The following PGGT1B variants were observed in gnomAD, a reference collection of about 807,000 sequenced individuals.
PGGT1B encodes the protein geranylgeranyl transferase type-1 subunit beta.
PGGT1B carries 30 observed loss-of-function variants against 46.1 expected under a neutral mutation model. The ratio of observed to expected loss-of-function variants is 0.65; its 90% confidence interval spans 0.49 to 0.88. The LOEUF (loss-of-function observed/expected upper bound fraction) is 0.88, where lower values mean the gene tolerates loss of function less well. PGGT1B is among the 40% of genes least tolerant of loss of function. The pLI is 0.00. For synonymous variants in PGGT1B, 170 were observed against 160.0 expected, an observed-to-expected ratio of 1.06 and a Z score of -0.47; for missense variants, 376 against 455.9, an observed-to-expected ratio of 0.82 and a Z score of 1.60.
chr5:115,235,338 T>C (rs1222878400), intron 5 of PGGT1B, among the ~76,000 whole-genome samples: 2 of 151,996 alleles, frequency 1.3e-5, no homozygotes, highest in Non-Finnish European at 2.9e-5. Context: ...TTAACTGATA[T>C]TTATAGGAAG....
At position 115,261,047 on chromosome 5, in the gene PGGT1B, C is replaced by T. The variant is rs139457810; in HGVS notation, c.140+1665G>A. Among the ~76,000 whole-genome samples, 70 of 152,302 alleles carry T rather than the reference C, an allele frequency of 4.6e-4. 3 individuals carry two copies. The East Asian group carries it at 0.013, about 28-fold the overall frequency. On this transcript the variant is annotated intron_variant, in intron 1 of 8. Coordinates refer to ENST00000419445, the MANE Select transcript of PGGT1B (RefSeq NM_005023.4). ...GACTTATACACTGCATCTATCTAAG[C>T]AGTGTATGTATACGATAAATATGCA...
chr5:115,224,653 T>A (rs1756704363), intron 6 of PGGT1B, among the ~76,000 whole-genome samples: 1 of 151,984 alleles, frequency 6.6e-6, no homozygotes, highest in African/African-American at 2.4e-5. Flanking sequence ...GAGAACTGCT[T>A]GAGCTCAGGA....
Position 115,204,793 on chromosome 5 carries a change from C to T in PGGT1B, c.*7609G>A, listed in dbSNP as rs927401567. 1.3e-5 allele frequency: 2 copies of T among 152,070 alleles called. No homozygotes were observed. Among genetic ancestry groups the T allele is most frequent in the Non-Finnish European group, 1.5e-5 (1 of 68,012 alleles). 9.4% of individuals were successfully genotyped at this position (152,070 alleles called of 1,614,324 possible). On this transcript the variant is annotated 3_prime_UTR_variant, in exon 9 of 9. Coordinates refer to ENST00000419445, the MANE Select transcript of PGGT1B (RefSeq NM_005023.4). ...AATAAATGAATGATGTTCATAGCAA[C>T]GTTTATGAGCTGTAAGTAACCTAAG...
intron 5 of PGGT1B, among the ~76,000 whole-genome samples, chr5:115,234,836 T>G (rs1035667100): frequency 6.6e-6 from 1 of 152,060 alleles, no homozygotes; most frequent in Non-Finnish European, 1.5e-5. Flanking sequence ...ATGATTTTAA[T>G]ATATAGACAT....
rs538503828 is a variant in PGGT1B, at chr5:115,211,216, G to C, written c.*1186C>G. On this transcript the variant is annotated 3_prime_UTR_variant, in exon 9 of 9. Coordinates refer to ENST00000419445, the MANE Select transcript of PGGT1B (RefSeq NM_005023.4). ...ATGTCACTGAGCAAGTAACGGATAT[G>C]AGTTATTGATAAATTAATTACTAAT... 6.6e-6 allele frequency: 1 copy of C among 152,050 alleles called. No homozygotes were observed. The highest frequency in any genetic ancestry group is 2.4e-5 in the African/African-American group (1 of 41,524). The allele number at this position is 152,050 out of a possible 1,614,324, so 9.4% of individuals were successfully genotyped here. A position where few individuals can be genotyped will look rare whatever the true frequency, so the allele number is the denominator to read the frequency against.
chr5:115,218,937 C>A (rs1234703395), intron 7 of PGGT1B, among the ~76,000 whole-genome samples: 1 of 151,718 alleles, frequency 6.6e-6, no homozygotes, highest in East Asian at 1.9e-4. Flanking sequence ...CAAAACATTG[C>A]TGAAAGAAAT....
At chr5:115,226,766 AG>A (rs1185770240) in intron 6 of PGGT1B, among the ~76,000 whole-genome samples, 9 of 152,072 alleles carry the variant, frequency 5.9e-5, no homozygotes, top group African/African-American at 2.2e-4. Context: ...AACAGAGGTA[AG>A]TACCATAAAA....
rs140426041 is a variant in PGGT1B at position 115,243,255 on chromosome 5, G to A, written c.260-1649C>T. Among the ~76,000 whole-genome samples the A allele has an allele frequency of 7.4e-3, 1,134 of 152,254 alleles. 8 individuals carry two copies. The highest frequency in any genetic ancestry group is 0.011 in the Non-Finnish European group (754 of 68,016). On this transcript the variant is annotated intron_variant, in intron 2 of 8. Coordinates refer to ENST00000419445, the MANE Select transcript of PGGT1B (RefSeq NM_005023.4). ...AATCAATTCCAATAATTTCAAGTAT[G>A]AGAAGAAATGCACACTGCAGTTTAA...
intron 2 of PGGT1B, among the ~76,000 whole-genome samples, chr5:115,250,777 TAGCA>T (rs1748059898): frequency 6.6e-6 from 1 of 152,168 alleles, no homozygotes; most frequent in African/African-American, 2.4e-5. Context: ...AGTACATGAC[TAGCA>T]CTCCAGAAGC....
intron 1 of PGGT1B, among the ~76,000 whole-genome samples, chr5:115,257,785 A>G (rs910181745): frequency 1.3e-5 from 2 of 152,306 alleles, no homozygotes; most frequent in Admixed American, 6.5e-5. Context: ...ACTACATCAT[A>G]TTGCATCTAA....
chr5:115,216,840 T>C, intron 8 of PGGT1B, 25 bp downstream of exon 8: 1 of 1,151,764 alleles, frequency 8.7e-7, no homozygotes, highest in Non-Finnish European at 1.3e-6. Context: ...TAAAGGTTGT[T>C]CTGATTCACA....
rs188041405 is a variant in PGGT1B, at chr5:115,260,257, G to A, written c.140+2455C>T. 3.3e-5 allele frequency among the ~76,000 whole-genome samples: 5 copies of A among 152,258 alleles called. No homozygotes were observed. The East Asian group carries it at 7.7e-4, about 23-fold the overall frequency. Reference sequence around the variant, plus strand: ...GCCAAAATGGTGAATCTGAAAATAAGTGTCTAAATATCCAGTCTAATATTA... The same window carrying A: ...GCCAAAATGGTGAATCTGAAAATAAATGTCTAAATATCCAGTCTAATATTA... On this transcript the variant is annotated intron_variant, in intron 1 of 8. Transcript: ENST00000419445.
rs138775464 is a variant in PGGT1B at position 115,233,466 on chromosome 5, G to T, written c.613-2445C>A. 8.8e-3 allele frequency among the ~76,000 whole-genome samples: 1,278 copies of T among 144,752 alleles called. 20 individuals are homozygous for T. Among genetic ancestry groups the T allele is most frequent in the African/African-American group, 0.031 (1,196 of 39,002 alleles). The allele number at this position is 144,752 out of a possible 152,430, so 95.0% of individuals were successfully genotyped here. A position where few individuals can be genotyped will look rare whatever the true frequency, so the allele number is the denominator to read the frequency against. On this transcript the variant is annotated intron_variant, in intron 5 of 8. Transcript: ENST00000419445. ...TGAGATAAGTCAAAAAGGTCAAAGA[G>T]AAAGTGGCTGAAAAGAAGGTCAGGC... is the stretch of plus-strand genomic sequence containing the variant.
intron 6 of PGGT1B, among the ~76,000 whole-genome samples, chr5:115,229,371 T>A (rs1756902685): frequency 6.6e-6 from 1 of 152,068 alleles, no homozygotes; most frequent in South Asian, 2.1e-4. Flanking sequence ...AAGGCCTTCC[T>A]CTAGGGCTTT....
chr5:115,246,574 C>A (rs1378541490), intron 2 of PGGT1B, among the ~76,000 whole-genome samples: 1 of 152,086 alleles, frequency 6.6e-6, no homozygotes, highest in East Asian at 1.9e-4. Context: ...TATCAAACAG[C>A]ACCATCTAGT....
intron 2 of PGGT1B, among the ~76,000 whole-genome samples, chr5:115,246,707 T>TA (rs927490420): frequency 5.9e-5 from 9 of 152,198 alleles, no homozygotes; most frequent in Non-Finnish European, 1.2e-4. Flanking sequence ...CCATGCCTGT[T>TA]AAAAAGCATG....
At chr5:115,260,784 G>A (rs930618340) in intron 1 of PGGT1B, among the ~76,000 whole-genome samples, 1 of 152,082 alleles carries the variant, frequency 6.6e-6, no homozygotes, top group African/African-American at 2.4e-5. Context: ...ACCTGGTGTC[G>A]ATCCTATGCT....
At chr5:115,249,164 T>G (rs1190369548) in intron 2 of PGGT1B, among the ~76,000 whole-genome samples, 1 of 151,476 alleles carries the variant, frequency 6.6e-6, no homozygotes, top group Non-Finnish European at 1.5e-5. Context: ...TCCACAAAGA[T>G]TTTCTATGTA....
rs2126978466 is a variant in PGGT1B at position 115,204,911 on chromosome 5, G to A, written c.*7491C>T. 1 of 152,278 alleles carries A rather than the reference G, an allele frequency of 6.6e-6. No homozygotes were observed. The highest frequency in any genetic ancestry group is 2.1e-4 in the South Asian group (1 of 4,826). The allele number at this position is 152,278 out of a possible 1,614,324, so 9.4% of individuals were successfully genotyped here. ...TCCACAAGTTAACCACTGAATAACT[G>A]TCTACAGTATGTTCTGTAGTAGAAA... On this transcript the variant is annotated 3_prime_UTR_variant, in exon 9 of 9. Transcript: ENST00000419445.
Sources: gnomAD v4.1 joint callset for allele counts (sites outside exome capture counted in the v4.1 genomes callset) on GRCh38, gnomAD v4.1.1 for gene constraint, MANE v1.5 for transcripts, NCBI Gene and HGNC (gene_info 2026-07-23, HGNC 2026-07-21) for gene names.